The following COL22A1 variants were observed in gnomAD, a reference collection of about 807,000 sequenced individuals.
The protein encoded by COL22A1 is collagen type XXII alpha 1 chain.
A neutral mutation model predicts 248.9 loss-of-function variants in COL22A1; 221 were observed. The observed-to-expected ratio is 0.89, with a 90% CI of 0.80 to 0.99. The LOEUF is 0.99. Among genes scored for constraint, COL22A1 ranks in the 50% least tolerant of loss-of-function variants. The pLI, the probability that COL22A1 is intolerant of heterozygous loss-of-function variation, is 0.00. For synonymous variants in COL22A1, 891 were observed against 793.4 expected, an observed-to-expected ratio of 1.12 and a Z score of -2.07; for missense variants, 2,240 against 2,179.0, an observed-to-expected ratio of 1.03 and a Z score of -0.56.
chr8:138,886,023 C>A (rs1451358367), intron 1 of COL22A1, among the ~76,000 whole-genome samples: 2 of 152,130 alleles, frequency 1.3e-5, no homozygotes, highest in African/African-American at 4.8e-5. Context: ...CCCACAGACT[C>A]CCATCTCTTT....
intron 30 of COL22A1, among the ~76,000 whole-genome samples, chr8:138,704,211 G>A (rs762812280): frequency 5.3e-5 from 8 of 152,336 alleles, no homozygotes; most frequent in Middle Eastern, 3.4e-3. Context: ...GGGCATAGCC[G>A]AACAAAAGGC....
At position 138,603,602 on chromosome 8, in the gene COL22A1, C is replaced by A. The variant is rs374233065; in HGVS notation, c.4140+1132G>T. ...GTGTAGGCAGCAGCCCAAGTACAAG[C>A]ACATGGGGCTGACGCAGCCCTCAGA... On this transcript the variant is annotated intron_variant, in intron 59 of 64. Transcript: ENST00000303045. 6.6e-5 allele frequency among the ~76,000 whole-genome samples: 10 copies of A among 152,134 alleles called. No individual in the cohort carries two copies. The East Asian group carries it at 7.7e-4, about 12-fold the overall frequency.
chr8:138,746,043 G>A (rs897499981), intron 22 of COL22A1, among the ~76,000 whole-genome samples: 2 of 152,228 alleles, frequency 1.3e-5, no homozygotes, highest in African/African-American at 2.4e-5. Flanking sequence ...CTGCAGCTCC[G>A]GGGATGGCGT....
At chr8:138,903,124 A>G (rs896942212) in intron 1 of COL22A1, among the ~76,000 whole-genome samples, 1 of 152,162 alleles carries the variant, frequency 6.6e-6, no homozygotes, top group South Asian at 2.1e-4. Flanking sequence ...ATTGAGCATC[A>G]ACCCTACAGC....
At chr8:138,608,262 T>C (rs1034800380) in intron 56 of COL22A1, among the ~76,000 whole-genome samples, 2 of 152,210 alleles carry the variant, frequency 1.3e-5, no homozygotes, top group Non-Finnish European at 2.9e-5. Flanking sequence ...AGCTGAGGCA[T>C]AGTAAATAAT....
At chr8:138,698,528 G>C (rs942551730) in intron 32 of COL22A1, among the ~76,000 whole-genome samples, 1 of 152,228 alleles carries the variant, frequency 6.6e-6, no homozygotes, top group Non-Finnish European at 1.5e-5. Context: ...CTCTCTGGGA[G>C]AGCAGGTGAG....
Position 138,850,087 on chromosome 8 carries a change from T to C in COL22A1, c.659-5929A>G, listed in dbSNP as rs1377630264. The stretch of plus-strand genomic sequence containing the variant: ...TCTCAGGGCCATGGTGTGCACCCTG[T>C]GAGAAGATGAAGACAACTCAGGGTT... On this transcript the variant is annotated intron_variant, in intron 3 of 64. Coordinates refer to ENST00000303045, the MANE Select transcript of COL22A1 (RefSeq NM_152888.3). Among the ~76,000 whole-genome samples, 3 of 152,132 alleles carry C rather than the reference T, an allele frequency of 2.0e-5. No individual in the cohort carries two copies. The East Asian group carries it at 5.8e-4, about 29-fold the overall frequency.
chr8:138,863,290 C>T (rs1346895140), intron 3 of COL22A1, among the ~76,000 whole-genome samples: 2 of 152,158 alleles, frequency 1.3e-5, no homozygotes, highest in African/African-American at 4.8e-5. Flanking sequence ...CAGCATAGCA[C>T]GTTGCACAGG....
chr8:138,895,881 G>A (rs4736216), intron 1 of COL22A1, among the ~76,000 whole-genome samples: 146,992 of 152,294 alleles, frequency 0.97, 70,984 homozygotes, highest in East Asian at 1. Context: ...CTGAAAACCA[G>A]ATAAAGACAA....
intron 12 of COL22A1, among the ~76,000 whole-genome samples, chr8:138,795,725 T>C (rs1412981743): frequency 6.6e-6 from 1 of 152,228 alleles, no homozygotes; most frequent in Non-Finnish European, 1.5e-5. Flanking sequence ...CCACACAGCA[T>C]TGTGTCATTT....
rs770239632 is a variant in COL22A1 at position 138,834,476 on chromosome 8, G to A, written c.734-1326C>T. Among the ~76,000 whole-genome samples, 7 of 152,222 alleles carry A rather than the reference G, an allele frequency of 4.6e-5. No homozygotes were observed. In the South Asian group the frequency reaches 1.0e-3, roughly 23 times the overall value. ...TCATGCTTTTGAGAGCCAGGGCCACGCCAAGCATTGTGTAAGAAATGTCAG... is the reference window on the plus strand; with the variant it reads ...TCATGCTTTTGAGAGCCAGGGCCACACCAAGCATTGTGTAAGAAATGTCAG... On this transcript the variant is annotated intron_variant, in intron 4 of 64. Coordinates refer to ENST00000303045, the MANE Select transcript of COL22A1 (RefSeq NM_152888.3).
Position 138,646,631 on chromosome 8 carries a change from G to A in COL22A1, c.3499C>T (p.Gln1167Ter). The A allele has an allele frequency of 6.3e-7, 1 of 1,582,826 alleles. No homozygotes were observed. The highest frequency in any genetic ancestry group is 8.6e-7 in the Non-Finnish European group (1 of 1,163,658). ...GATGGTTATGAAGTCTCACTGACCT[G>A]TGGTCCAGCTATTCCTGGGGGCCCT... ...LPGPPGIAGP[Q>*]GSQGERGADG... The change falls in exon 47 of 65, where the codon CAG (glutamine) becomes TAG (stop). Residue 1167 changes from glutamine to a stop codon, truncating the protein, a stop_gained and splice_region_variant. Coordinates refer to ENST00000303045, the MANE Select transcript of COL22A1 (RefSeq NM_152888.3). LOFTEE classifies it high-confidence loss of function.
chr8:138,755,568 C>T, intron 19 of COL22A1, 57 bp from the exon 20 acceptor site: 1 of 1,578,518 alleles, frequency 6.3e-7, no homozygotes, highest in Non-Finnish European at 8.7e-7. Flanking sequence ...CCACAGTCAA[C>T]CTCTCTCAGC....
chr8:138,750,891 C>T (rs562354089), intron 22 of COL22A1, among the ~76,000 whole-genome samples: 1 of 152,270 alleles, frequency 6.6e-6, no homozygotes, highest in African/African-American at 2.4e-5. Flanking sequence ...GGGGTACAAC[C>T]CAAGCATGCT....
chr8:138,812,767 C>A (rs1818349250), intron 8 of COL22A1, among the ~76,000 whole-genome samples, 172 bp downstream of exon 8: 2 of 152,240 alleles, frequency 1.3e-5, no homozygotes, highest in Non-Finnish European at 2.9e-5. Flanking sequence ...CCTGGAGGAA[C>A]CTGCATGGCT....
intron 3 of COL22A1, among the ~76,000 whole-genome samples, chr8:138,860,591 T>C (rs958209852): frequency 1.3e-5 from 2 of 152,184 alleles, no homozygotes; most frequent in Non-Finnish European, 2.9e-5. Context: ...GCAAATTGCT[T>C]GAGCCCAGAA....
intron 61 of COL22A1, 53 bp from the exon 62 acceptor site, chr8:138,597,023 T>A (rs986209090): frequency 6.6e-7 from 1 of 1,510,224 alleles, no homozygotes; most frequent in Non-Finnish European, 9.2e-7. Context: ...TTCTGCCACC[T>A]AAGAACCCTG....
In COL22A1 at chr8:138,844,302, A is replaced by G. The variant is rs1423446874; in HGVS notation, c.659-144T>C. Reference sequence around the variant, plus strand: ...TGGAGAAGATGCAGAGGCAGCTGGCATCTCCGCACTCACTCATGTTTTCAT... The same window carrying G: ...TGGAGAAGATGCAGAGGCAGCTGGCGTCTCCGCACTCACTCATGTTTTCAT... On this transcript the variant is annotated intron_variant, in intron 3 of 64. Transcript: ENST00000303045. 8 of 727,874 alleles carry G rather than the reference A, an allele frequency of 1.1e-5. No homozygotes were observed. The Admixed American group carries it at 1.6e-4, about 15-fold the overall frequency. 45.1% of individuals were successfully genotyped at this position (727,874 alleles called of 1,614,324 possible).
chr8:138,902,471 GCGGATCA>G (rs778717116), intron 1 of COL22A1, among the ~76,000 whole-genome samples: 82 of 152,196 alleles, frequency 5.4e-4, no homozygotes, highest in Non-Finnish European at 9.6e-4. Context: ...GCCGAGGTGG[GCGGATCA>G]TGAGGTCAGG....
Sources: gnomAD v4.1 joint callset for allele counts (sites outside exome capture counted in the v4.1 genomes callset) on GRCh38, gnomAD v4.1.1 for gene constraint, MANE v1.5 for transcripts, NCBI Gene and HGNC (gene_info 2026-07-23, HGNC 2026-07-21) for gene names.